The following CR1L variants were observed in gnomAD, a reference collection of about 807,000 sequenced individuals.
CR1L encodes complement component receptor 1-like protein.
A neutral mutation model predicts 62.3 loss-of-function variants in CR1L; 59 were observed. That is an observed-to-expected ratio of 0.95 (90% CI 0.77 to 1.18). The LOEUF is 1.18. CR1L is among the 50% of genes most tolerant of loss of function. CR1L has a pLI of 0.00. For synonymous variants in CR1L, 279 were observed against 248.7 expected (o/e 1.12, Z -1.15); for missense variants, 700 against 702.8 (o/e 1.00, Z 0.04).
intron 11 of CR1L, among the ~76,000 whole-genome samples, chr1:207,717,922 G>T (rs1193647923): frequency 1.3e-5 from 2 of 152,176 alleles, no homozygotes; most frequent in Admixed American, 6.5e-5. Flanking sequence ...AAGGAGAGAA[G>T]AGGGTGGACA....
At chr1:207,657,330 C>T in intron 1 of CR1L, 1 of 959,072 alleles carries the variant, frequency 1.0e-6, no homozygotes, top group East Asian at 2.4e-5. Flanking sequence ...AGTCACCTTT[C>T]AATTTATTTC....
rs202234816 is a variant in CR1L at position 207,704,345 on chromosome 1, GT to G, written c.1328+2728del. Among the ~76,000 whole-genome samples the G allele has an allele frequency of 4.0e-3, 615 of 152,358 alleles. 9 individuals are homozygous for G. In the East Asian group the frequency reaches 0.046, roughly 11 times the overall value. On this transcript the variant is annotated intron_variant, in intron 9 of 11. Transcript: ENST00000508064. The stretch of plus-strand genomic sequence containing the variant: ...TACTTCTTATGGATGAGCAGAGAAA[GT>G]AGATTTTTGAGGTGGAGTCTCTTCC...
chr1:207,698,607 C>T (rs1156592365), intron 7 of CR1L, among the ~76,000 whole-genome samples: 3 of 152,192 alleles, frequency 2.0e-5, no homozygotes, highest in Non-Finnish European at 2.9e-5. Flanking sequence ...AGGAGGGCAT[C>T]GGGGCCCAAC....
chr1:207,669,472 G>T, intron 1 of CR1L: 2 of 1,530,926 alleles, frequency 1.3e-6, no homozygotes, highest in Non-Finnish European at 1.8e-6. Flanking sequence ...GAGAAGCCGG[G>T]AGCCTGTTGG....
intron 11 of CR1L, among the ~76,000 whole-genome samples, chr1:207,723,248 G>T (rs1654177319): frequency 6.6e-6 from 1 of 152,000 alleles, no homozygotes; most frequent in African/African-American, 2.4e-5. Flanking sequence ...TGGCCAACAT[G>T]GTGAAACCCC....
At chr1:207,684,967 C>A (rs1163316381) in intron 4 of CR1L, among the ~76,000 whole-genome samples, 4 of 152,096 alleles carry the variant, frequency 2.6e-5, no homozygotes, top group African/African-American at 9.7e-5. Flanking sequence ...ACATTGGTCA[C>A]ACATTTATTG....
chr1:207,667,331 C>T (rs746683602), intron 1 of CR1L, among the ~76,000 whole-genome samples: 4 of 152,178 alleles, frequency 2.6e-5, no homozygotes, highest in Non-Finnish European at 4.4e-5. Context: ...AAGACTGACT[C>T]CTTCTGAAAG....
chr1:207,690,289 T>C (rs1663977924), intron 4 of CR1L, among the ~76,000 whole-genome samples: 1 of 152,206 alleles, frequency 6.6e-6, no homozygotes, highest in Non-Finnish European at 1.5e-5. Flanking sequence ...TTTATTATCA[T>C]TGTACATAAA....
At chr1:207,651,273 T>C (rs1251794275) in intron 1 of CR1L, among the ~76,000 whole-genome samples, 3 of 133,172 alleles carry the variant, frequency 2.3e-5, no homozygotes, top group Non-Finnish European at 4.9e-5. Flanking sequence ...ATGTTTAGTT[T>C]GAAATTTTCC....
intron 3 of CR1L, 58 bp downstream of exon 3, chr1:207,678,355 A>G (rs746937168): frequency 3.8e-5 from 55 of 1,429,526 alleles, no homozygotes; most frequent in Admixed American, 1.9e-4. Flanking sequence ...ACACAGCCAT[A>G]CTACCTTCTA....
At chr1:207,657,329 T>C in intron 1 of CR1L, 2 of 958,944 alleles carry the variant, frequency 2.1e-6, no homozygotes, top group Non-Finnish European at 3.4e-6. Flanking sequence ...AAGTCACCTT[T>C]CAATTTATTT....
chr1:207,645,861 C>T (rs1003131067), intron 1 of CR1L, among the ~76,000 whole-genome samples: 1 of 152,122 alleles, frequency 6.6e-6, no homozygotes, highest in Non-Finnish European at 1.5e-5. Flanking sequence ...CGAGCAGGGG[C>T]CTGGCCAGGT....
At chr1:207,700,227 T>G (rs1193211201) in intron 8 of CR1L, among the ~76,000 whole-genome samples, 1 of 152,222 alleles carries the variant, frequency 6.6e-6, no homozygotes, top group Non-Finnish European at 1.5e-5. Context: ...TTGGACATCT[T>G]ACAGTGCTTT....
intron 9 of CR1L, 122 bp downstream of exon 9, chr1:207,701,740 A>G (rs901912805): frequency 6.4e-6 from 8 of 1,256,488 alleles, no homozygotes; most frequent in East Asian, 4.8e-5. Flanking sequence ...GAACACAGGT[A>G]TTAACTCCTG....
At chr1:207,698,199 C>T (rs1230539509) in intron 7 of CR1L, among the ~76,000 whole-genome samples, 1 of 151,916 alleles carries the variant, frequency 6.6e-6, no homozygotes, top group East Asian at 1.9e-4. Context: ...TTCAAAACAG[C>T]AAATAGAATA....
Position 207,697,689 on chromosome 1 carries a change from CT to C in CR1L, c.1039+11del. 6 of 1,614,022 alleles carry C rather than the reference CT, an allele frequency of 3.7e-6. No homozygotes were observed. Among genetic ancestry groups the C allele is most frequent in the Non-Finnish European group, 5.1e-6 (6 of 1,179,884 alleles). ...GCCCCCAGATGTGAAGGTGACTAGACTCTTATCTGGCTTGGTATTTTTAGCT... is the reference window on the plus strand; with the variant it reads ...GCCCCCAGATGTGAAGGTGACTAGACCTTATCTGGCTTGGTATTTTTAGCT... On this transcript the variant is annotated intron_variant, in intron 6 of 11. Coordinates refer to ENST00000508064, the MANE Select transcript of CR1L (RefSeq NM_175710.2).
chr1:207,674,330 A>G (rs1159486460), intron 1 of CR1L, among the ~76,000 whole-genome samples: 1 of 152,236 alleles, frequency 6.6e-6, no homozygotes, highest in African/African-American at 2.4e-5. Flanking sequence ...TTAAATACTC[A>G]TCAACCATTT....
At chr1:207,678,350 G>A in intron 3 of CR1L, 53 bp downstream of exon 3, 5 of 1,458,028 alleles carry the variant, frequency 3.4e-6, no homozygotes, top group Non-Finnish European at 4.8e-6. Flanking sequence ...TTCTAACACA[G>A]CCATACTACC....
chr1:207,708,384 C>G, intron 10 of CR1L, 121 bp downstream of exon 10: 1 of 1,267,910 alleles, frequency 7.9e-7, no homozygotes, highest in East Asian at 2.3e-5. Flanking sequence ...TTTGAAGAAT[C>G]CAGTCATATC....
Sources: gnomAD v4.1 joint callset for allele counts (sites outside exome capture counted in the v4.1 genomes callset) on GRCh38, gnomAD v4.1.1 for gene constraint, MANE v1.5 for transcripts, NCBI Gene and HGNC (gene_info 2026-07-23, HGNC 2026-07-21) for gene names.